Variants in SYT14 observed in about 807,000 individuals in gnomAD.
SYT14 encodes the protein synaptotagmin-14.
Under a neutral mutation model 74.2 loss-of-function variants are expected in SYT14, and 32 were observed. The observed-to-expected ratio is 0.43, with a 90% CI of 0.33 to 0.58. The LOEUF is 0.58. Among genes scored for constraint, SYT14 ranks in the 20% least tolerant of loss-of-function variants. The pLI is 0.05. For synonymous variants in SYT14, 298 were observed against 337.7 expected (o/e 0.88, Z 1.29); for missense variants, 791 against 981.8 (o/e 0.81, Z 2.60).
intron 2 of SYT14, among the ~76,000 whole-genome samples, chr1:209,964,887 G>A (rs188784332): frequency 9.3e-4 from 142 of 152,234 alleles, no homozygotes; most frequent in African/African-American, 3.3e-3. Context: ...AAACAGTCTA[G>A]GCACAATAAA....
At chr1:210,155,632 T>A in intron 7 of SYT14, 89 bp from the exon 7 acceptor site, 1 of 1,368,660 alleles carries the variant, frequency 7.3e-7, no homozygotes, top group Non-Finnish European at 1.0e-6. Context: ...GTGATTTACC[T>A]ACCTAATCCA....
At chr1:210,109,261 C>T (rs1401045267) in intron 7 of SYT14, among the ~76,000 whole-genome samples, 1 of 152,010 alleles carries the variant, frequency 6.6e-6, no homozygotes, top group Non-Finnish European at 1.5e-5. Context: ...CCATCTCACT[C>T]CAGTTAGAAT....
Position 210,100,480 on chromosome 1 carries a change from G to T in SYT14, c.2034+19G>T. ...TCATTCTGTGAGTATCTCATCAAAT[G>T]GCCTGAATACAGTTTATGTTCATGG... On this transcript the variant is annotated intron_variant, in intron 7 of 9. Coordinates refer to ENST00000637265, the Ensembl canonical transcript of SYT14. 6.2e-7 allele frequency: 1 copy of T among 1,605,336 alleles called. No homozygotes were observed. The highest frequency in any genetic ancestry group is 1.1e-5 in the South Asian group (1 of 90,864).
At chr1:210,050,626 T>C (rs533703705) in intron 5 of SYT14, among the ~76,000 whole-genome samples, 3 of 152,084 alleles carry the variant, frequency 2.0e-5, no homozygotes, top group Admixed American at 2.0e-4. Context: ...AAGAAAGAGG[T>C]TTATTGGACG....
intron 2 of SYT14, among the ~76,000 whole-genome samples, chr1:209,992,472 A>G (rs559749358): frequency 4.1e-4 from 62 of 152,294 alleles, no homozygotes; most frequent in African/African-American, 1.5e-3. Flanking sequence ...TAAGTGGGAG[A>G]TAAATAATGT....
At position 210,042,824 on chromosome 1, in the gene SYT14, C is replaced by A. The variant is rs572975031; in HGVS notation, c.1312+21570C>A. 2.6e-5 allele frequency among the ~76,000 whole-genome samples: 4 copies of A among 152,260 alleles called. No individual in the cohort carries two copies. The East Asian group carries it at 7.7e-4, about 29-fold the overall frequency. On this transcript the variant is annotated intron_variant, in intron 5 of 9. Transcript: ENST00000637265. ...CTTTGTTCTTTTTGCTTAGGATTGT[C>A]TTGGCTATACAGGCTCTTTTTTGGT...
chr1:210,116,403 A>G (rs1472414694), intron 7 of SYT14, among the ~76,000 whole-genome samples: 1 of 152,202 alleles, frequency 6.6e-6, no homozygotes, highest in African/African-American at 2.4e-5. Flanking sequence ...CAGTGGCACA[A>G]TCTCAGCTCA....
chr1:210,158,238 C>T (rs570400680), intron 8 of SYT14, among the ~76,000 whole-genome samples: 5 of 152,262 alleles, frequency 3.3e-5, no homozygotes, highest in African/African-American at 9.6e-5. Flanking sequence ...AGAATGCAAA[C>T]TCAAAAGGCC....
At chr1:210,081,760 A>T (rs1167502024) in intron 5 of SYT14, among the ~76,000 whole-genome samples, 2 of 152,252 alleles carry the variant, frequency 1.3e-5, no homozygotes, top group African/African-American at 4.8e-5. Flanking sequence ...GAACTACCCA[A>T]CTACCTAGTA....
At chr1:210,148,234 C>T (rs2083081499) in intron 7 of SYT14, among the ~76,000 whole-genome samples, 1 of 151,998 alleles carries the variant, frequency 6.6e-6, no homozygotes, top group Admixed American at 6.6e-5. Context: ...CTAGGCCAGG[C>T]GCGGTGGCTC....
At chr1:210,012,728 G>A (rs899601055) in intron 2 of SYT14, among the ~76,000 whole-genome samples, 6 of 147,298 alleles carry the variant, frequency 4.1e-5, no homozygotes, top group Middle Eastern at 3.6e-3. Context: ...TTTTGAAACA[G>A]TCTCGCTTTG....
chr1:210,034,904 T>C (rs2080625158), intron 5 of SYT14, among the ~76,000 whole-genome samples: 1 of 151,956 alleles, frequency 6.6e-6, no homozygotes, highest in Non-Finnish European at 1.5e-5. Context: ...ATTCCATATT[T>C]TGCTACTGTG....
intron 1 of SYT14, among the ~76,000 whole-genome samples, chr1:209,948,044 G>A (rs1267364771): frequency 1.3e-5 from 2 of 152,148 alleles, no homozygotes; most frequent in African/African-American, 4.8e-5. Context: ...ACACTTAATA[G>A]ACTACAGTCT....
chr1:209,949,759 A>C (rs997225745), intron 1 of SYT14, among the ~76,000 whole-genome samples: 11 of 152,150 alleles, frequency 7.2e-5, no homozygotes, highest in African/African-American at 2.7e-4. Context: ...TTCCACATGT[A>C]CATCAGTGAA....
chr1:210,081,488 T>G (rs1349831662), intron 5 of SYT14, among the ~76,000 whole-genome samples: 5 of 152,210 alleles, frequency 3.3e-5, no homozygotes, highest in African/African-American at 1.2e-4. Flanking sequence ...ATATTAAGTG[T>G]GTACTAGTAT....
At chr1:210,025,419 G>A (rs1364857664) in intron 5 of SYT14, among the ~76,000 whole-genome samples, 1 of 152,198 alleles carries the variant, frequency 6.6e-6, no homozygotes, top group Non-Finnish European at 1.5e-5. Flanking sequence ...GTTTACAAAG[G>A]TTAAACTTGA....
chr1:210,019,655 A>G (rs943829422), intron 4 of SYT14, among the ~76,000 whole-genome samples: 4 of 152,168 alleles, frequency 2.6e-5, no homozygotes, highest in Admixed American at 2.0e-4. Context: ...ACCTCCTTCT[A>G]ACTCTAAGCA....
At chr1:209,944,328 T>G (rs969599106) in intron 1 of SYT14, among the ~76,000 whole-genome samples, 1 of 152,196 alleles carries the variant, frequency 6.6e-6, no homozygotes, top group South Asian at 2.1e-4. Flanking sequence ...CTAAACGGAT[T>G]GAATTAAAGA....
At chr1:210,021,226 A>G (rs141586649) in exon 5 of SYT14, 9 of 1,613,894 alleles carry the variant, frequency 5.6e-6, no homozygotes, top group Non-Finnish European at 7.6e-6. Flanking sequence ...AGTATGATGG[A>G]TACAGTAGTG....
Sources: gnomAD v4.1 joint callset for allele counts (sites outside exome capture counted in the v4.1 genomes callset) on GRCh38, gnomAD v4.1.1 for gene constraint, MANE v1.5 for transcripts, NCBI Gene and HGNC (gene_info 2026-07-23, HGNC 2026-07-21) for gene names.